Variants in ST6GALNAC3 observed in about 807,000 individuals in gnomAD.
The protein encoded by ST6GALNAC3 is ST6 N-acetylgalactosaminide alpha-2,6-sialyltransferase 3.
Under a neutral mutation model 32.7 loss-of-function variants are expected in ST6GALNAC3, and 25 were observed. That is an observed-to-expected ratio of 0.76 (90% confidence interval 0.56 to 1.07). The LOEUF (loss-of-function observed/expected upper bound fraction) is 1.07. Among genes scored for constraint, ST6GALNAC3 ranks in the 50% least tolerant of loss-of-function variants. The probability of loss-of-function intolerance (pLI) is 0.00; values close to 1 mark genes in which losing one functional copy is unlikely to be tolerated. For synonymous variants in ST6GALNAC3, 129 were observed against 133.1 expected (o/e 0.97, Z 0.21); for missense variants, 355 against 382.4 (o/e 0.93, Z 0.60).
intron 1 of ST6GALNAC3, among the ~76,000 whole-genome samples, chr1:76,175,808 T>C (rs1652814013): frequency 6.6e-6 from 1 of 152,222 alleles, no homozygotes; most frequent in Non-Finnish European, 1.5e-5. Context: ...TATGGCTACA[T>C]GTGGATGAAG....
At chr1:76,479,999 TCTATAGCTA>T (rs1194194517) in intron 3 of ST6GALNAC3, among the ~76,000 whole-genome samples, 1 of 152,226 alleles carries the variant, frequency 6.6e-6, no homozygotes, top group Non-Finnish European at 1.5e-5. Flanking sequence ...AGTCAAGTTA[TCTATAGCTA>T]CTGGTTGATA....
rs113542750 is a variant in ST6GALNAC3, at chr1:76,103,638, G to C, written c.18+28754G>C. ...GTATTCTCTCACTGTTCAGGAGGCT[G>C]GAGGTCAAGGTATCAGCAGCCACAC... On this transcript the variant is annotated intron_variant, in intron 1 of 4. Coordinates refer to ENST00000328299, the MANE Select transcript of ST6GALNAC3 (RefSeq NM_152996.4). Among the ~76,000 whole-genome samples the C allele has an allele frequency of 4.2e-4, 64 of 152,284 alleles. 5 individuals carry two copies. Among genetic ancestry groups the C allele is most frequent in the African/African-American group, 1.4e-3 (57 of 41,562 alleles).
chr1:76,452,900 A>C (rs545403993), intron 3 of ST6GALNAC3, among the ~76,000 whole-genome samples: 37 of 152,126 alleles, frequency 2.4e-4, no homozygotes, highest in Non-Finnish European at 4.7e-4. Context: ...CTGTGAATCC[A>C]TCTGGTCCTG....
intron 3 of ST6GALNAC3, among the ~76,000 whole-genome samples, chr1:76,435,488 T>G (rs528402941): frequency 2.6e-4 from 39 of 152,290 alleles, no homozygotes; most frequent in Middle Eastern, 3.4e-3. Context: ...TTTAAAGACT[T>G]GATATTCCTG....
At chr1:76,636,735 T>A (rs1249345782), downstream of ST6GALNAC3, 3 of 152,192 alleles carry the variant, frequency 2.0e-5, no homozygotes, top group African/African-American at 7.2e-5. Context: ...AAGTTTTTTT[T>A]TCACCTAATA....
intron 3 of ST6GALNAC3, among the ~76,000 whole-genome samples, chr1:76,547,237 T>C (rs1664351063): frequency 6.6e-6 from 1 of 152,208 alleles, no homozygotes; most frequent in Non-Finnish European, 1.5e-5. Flanking sequence ...ATCTGGGAAC[T>C]AGACCAACCG....
Position 76,349,912 on chromosome 1 carries a change from C to T in ST6GALNAC3, c.213+35913C>T, listed in dbSNP as rs77233541. On this transcript the variant is annotated intron_variant, in intron 2 of 4. Transcript: ENST00000328299. ...AGGGTATTTGCTCCCCTATGCTTTT[C>T]TCCCCTTTTTCATTGTCAAGGTTGC... Among the ~76,000 whole-genome samples, 1,421 of 152,244 alleles carry T rather than the reference C, an allele frequency of 9.3e-3. 18 individuals are homozygous for T. Among genetic ancestry groups the T allele is most frequent in the African/African-American group, 0.032 (1,348 of 41,544 alleles).
At position 76,444,560 on chromosome 1, in the gene ST6GALNAC3, T is replaced by C. The variant is rs1656837619; in HGVS notation, c.623+32143T>C. 3.3e-5 allele frequency among the ~76,000 whole-genome samples: 5 copies of C among 152,262 alleles called. No homozygotes were observed. The South Asian group carries it at 1.0e-3, about 32-fold the overall frequency. On this transcript the variant is annotated intron_variant, in intron 3 of 4. Transcript: ENST00000328299. ...TGGCCAACTTGTAAGTAGAGATTAG[T>C]TTTTCTGATGCTTCCTTAACATCCT...
intron 1 of ST6GALNAC3, among the ~76,000 whole-genome samples, chr1:76,157,504 A>C (rs1183630060): frequency 2.6e-5 from 4 of 152,194 alleles, no homozygotes; most frequent in African/African-American, 9.6e-5. Flanking sequence ...ATTTTGCCTT[A>C]GTTTTACAGA....
At chr1:76,413,060 C>A (rs1337164138) in intron 3 of ST6GALNAC3, 2 of 299,270 alleles carry the variant, frequency 6.7e-6, no homozygotes, top group South Asian at 3.0e-5. Context: ...TTATTACATC[C>A]ATGTTTTTTC....
intron 2 of ST6GALNAC3, among the ~76,000 whole-genome samples, chr1:76,381,186 A>AT (rs1651684982): frequency 7.8e-6 from 1 of 128,728 alleles, no homozygotes; most frequent in Admixed American, 8.5e-5. Context: ...AAAAAAAAAA[A>AT]GAAAAAAAAA....
intron 2 of ST6GALNAC3, among the ~76,000 whole-genome samples, chr1:76,320,377 C>G (rs145292287): frequency 6.6e-6 from 1 of 152,112 alleles, no homozygotes; most frequent in African/African-American, 2.4e-5. Context: ...TAGTCCTAAT[C>G]GTGTGGCTCT....
chr1:76,165,264 G>T (rs1266340998), intron 1 of ST6GALNAC3, among the ~76,000 whole-genome samples: 1 of 152,130 alleles, frequency 6.6e-6, no homozygotes, highest in East Asian at 1.9e-4. Context: ...GTGAGAGCTT[G>T]CAGTATTTGG....
chr1:76,613,619 A>G (rs1003405902), intron 3 of ST6GALNAC3, among the ~76,000 whole-genome samples: 5 of 152,166 alleles, frequency 3.3e-5, no homozygotes, highest in African/African-American at 9.7e-5. Flanking sequence ...GATCATGGGG[A>G]CAGACATCCC....
In ST6GALNAC3 at chr1:76,579,247, G is replaced by C. The variant is rs76635163; in HGVS notation, c.624-48205G>C. Among the ~76,000 whole-genome samples, 953 of 151,942 alleles carry C rather than the reference G, an allele frequency of 6.3e-3. 9 individuals are homozygous for C. The highest frequency in any genetic ancestry group is 0.022 in the African/African-American group (905 of 41,446). ...AATATAAAAGAAACCTCTATGCATC[G>C]ATCACCAGCTCCAGAAAATACCAAC... On this transcript the variant is annotated intron_variant, in intron 3 of 4. Transcript: ENST00000328299.
chr1:76,161,694 T>C (rs1651823467), intron 1 of ST6GALNAC3, among the ~76,000 whole-genome samples: 1 of 152,238 alleles, frequency 6.6e-6, no homozygotes, highest in African/African-American at 2.4e-5. Context: ...TTCTTTTTAC[T>C]GAGGGCTGTT....
At chr1:76,419,944 C>CTTTTTTTTT (rs66531652) in intron 3 of ST6GALNAC3, among the ~76,000 whole-genome samples, 20 of 138,774 alleles carry the variant, frequency 1.4e-4, no homozygotes, top group South Asian at 6.8e-4. Flanking sequence ...TTCTTTCTTT[C>CTTTTTTTTT]TTTTTTTTTT....
chr1:76,355,493 G>A (rs1169693813), intron 2 of ST6GALNAC3, among the ~76,000 whole-genome samples: 3 of 152,038 alleles, frequency 2.0e-5, no homozygotes, highest in Non-Finnish European at 2.9e-5. Context: ...CTCTACCAAC[G>A]AAGAAAATGT....
At chr1:76,354,471 A>T (rs980698598) in intron 2 of ST6GALNAC3, among the ~76,000 whole-genome samples, 3 of 152,206 alleles carry the variant, frequency 2.0e-5, no homozygotes, top group African/African-American at 7.2e-5. Flanking sequence ...ATTTGTGTGT[A>T]TATTTTATGT....
Sources: gnomAD v4.1 joint callset for allele counts (sites outside exome capture counted in the v4.1 genomes callset) on GRCh38, gnomAD v4.1.1 for gene constraint, MANE v1.5 for transcripts, NCBI Gene and HGNC (gene_info 2026-07-23, HGNC 2026-07-21) for gene names.